The following NAV3 variants were observed in gnomAD, a reference collection of about 807,000 sequenced individuals.
NAV3 encodes the protein pore membrane and/or filament interacting like protein 1.
Under a neutral mutation model 244.7 loss-of-function variants are expected in NAV3, and 87 were observed. The observed-to-expected ratio is 0.36, with a 90% CI of 0.30 to 0.42. The LOEUF is 0.42. NAV3 is among the 20% of genes least tolerant of loss of function. The pLI is 1.00. For missense variants in NAV3, 2,663 were observed against 2,893.3 expected, an observed-to-expected ratio of 0.92 and a Z score of 1.83; for synonymous variants, 1,126 against 1,042.2, an observed-to-expected ratio of 1.08 and a Z score of -1.55.
At chr12:77,745,623 CT>C (rs1284771795) in intron 2 of NAV3, among the ~76,000 whole-genome samples, 1 of 151,862 alleles carries the variant, frequency 6.6e-6, no homozygotes, top group Non-Finnish European at 1.5e-5. Flanking sequence ...TTGAAGGCAT[CT>C]TGGGAGGGAA....
In NAV3 at chr12:77,817,027, T is replaced by G. The variant is rs934268300; in HGVS notation, c.73-123292T>G. 5.9e-5 allele frequency among the ~76,000 whole-genome samples: 9 copies of G among 152,342 alleles called. No homozygotes were observed. The East Asian group carries it at 1.5e-3, about 26-fold the overall frequency. ...GGTATTTTATCTGCAACTGTCAAAC[T>G]CTGGTAGTTCTTTTTCATTTTGACT... On this transcript the variant is annotated intron_variant, in intron 2 of 8. Coordinates refer to the NAV3 transcript ENST00000550042.
intron 34 of NAV3, among the ~76,000 whole-genome samples, chr12:78,194,037 ACTATT>A (rs1959095662): frequency 6.6e-6 from 1 of 151,928 alleles, no homozygotes; most frequent in Non-Finnish European, 1.5e-5. Context: ...TTTATAATGA[ACTATT>A]CTGTTCTCTC....
intron 1 of NAV3, among the ~76,000 whole-genome samples, chr12:77,928,859 T>A (rs1211435151): frequency 6.6e-6 from 1 of 152,244 alleles, no homozygotes; most frequent in Non-Finnish European, 1.5e-5. Flanking sequence ...AATATTAATG[T>A]AATTTCAGCT....
intron 23 of NAV3, among the ~76,000 whole-genome samples, chr12:78,165,670 G>A (rs1365462393): frequency 6.6e-6 from 1 of 151,540 alleles, no homozygotes; most frequent in Non-Finnish European, 1.5e-5. Flanking sequence ...CTGAGAAAAT[G>A]TATCTTAAAA....
At position 78,128,719 on chromosome 12, in the gene NAV3, T is replaced by C; in HGVS notation, c.4294T>C (p.Ser1432Pro). The C allele has an allele frequency of 1.2e-6, 2 of 1,613,926 alleles. No individual in the cohort carries two copies. The highest frequency in any genetic ancestry group is 1.7e-6 in the Non-Finnish European group (2 of 1,179,892). Residue 1432 changes from serine to proline, a missense_variant, in exon 18 of 40, where the codon TCT becomes CCT. Ser to Pro is a moderately conservative substitution (Grantham distance 74, BLOSUM62 -1). Around this residue, in one of 6 missense-constraint regions of NAV3, gnomAD observed 354 missense variants for 413.0 expected, o/e 0.86. Coordinates refer to ENST00000397909, the MANE Select transcript of NAV3 (RefSeq NM_001024383.2). ...GCTGTTTTGCAGATATACCCCATCA[T>C]CTCGGCAGGCCAACCAAGAAGAGGG... ...PKKGLRYTPS[S>P]RQANQEEGKE... is the part of the protein sequence containing the mutation.
intron 12 of NAV3, among the ~76,000 whole-genome samples, chr12:78,103,146 G>A (rs1342206789): frequency 6.6e-6 from 1 of 152,098 alleles, no homozygotes; most frequent in Non-Finnish European, 1.5e-5. Context: ...CTTTTAAAAT[G>A]CGATGCTCTA....
At chr12:77,940,642 T>TTAA (rs1889779321) in intron 2 of NAV3, among the ~76,000 whole-genome samples, 2 of 152,246 alleles carry the variant, frequency 1.3e-5, no homozygotes. Context: ...ACTGTATCTT[T>TTAA]ATATACATAA....
chr12:77,649,411 C>A (rs1347810369), intron 2 of NAV3, among the ~76,000 whole-genome samples: 1 of 151,908 alleles, frequency 6.6e-6, no homozygotes, highest in Non-Finnish European at 1.5e-5. Flanking sequence ...ATTTTTTATT[C>A]CATTCGTTCC....
chr12:77,573,745 G>A (rs1218015389), intron 2 of NAV3, among the ~76,000 whole-genome samples: 1 of 152,126 alleles, frequency 6.6e-6, no homozygotes, highest in Non-Finnish European at 1.5e-5. Context: ...AAAGAGGGAG[G>A]GAGGTAATAG....
At chr12:78,126,150 T>C (rs1593692287) in intron 16 of NAV3, among the ~76,000 whole-genome samples, 1 of 152,298 alleles carries the variant, frequency 6.6e-6, no homozygotes, top group East Asian at 1.9e-4. Flanking sequence ...ACCGATAAAG[T>C]TAAAGTTGTA....
chr12:77,629,950 T>G (rs1871812451), intron 2 of NAV3, among the ~76,000 whole-genome samples: 1 of 152,170 alleles, frequency 6.6e-6, no homozygotes, highest in African/African-American at 2.4e-5. Flanking sequence ...TCAAAATTTC[T>G]ATTATGGCAT....
intron 1 of NAV3, among the ~76,000 whole-genome samples, chr12:77,896,420 G>A (rs1273474227): frequency 6.6e-6 from 1 of 152,102 alleles, no homozygotes; most frequent in Non-Finnish European, 1.5e-5. Context: ...TTTGTCTTAG[G>A]TACTAGAAAT....
chr12:78,114,546 A>C (rs762577842), intron 12 of NAV3, among the ~76,000 whole-genome samples: 92 of 152,168 alleles, frequency 6.0e-4, no homozygotes, highest in Non-Finnish European at 7.2e-4. Flanking sequence ...CGGGGGAAAA[A>C]CCCTTATAAA....
chr12:78,073,710 C>CA, intron 12 of NAV3, among the ~76,000 whole-genome samples: 1 of 151,946 alleles, frequency 6.6e-6, no homozygotes, highest in East Asian at 1.9e-4. Context: ...CATATGGAAC[C>CA]AAAAAAGAGC....
chr12:78,151,785 A>G (rs996438049), intron 22 of NAV3, among the ~76,000 whole-genome samples: 1 of 151,428 alleles, frequency 6.6e-6, no homozygotes, highest in African/African-American at 2.4e-5. Context: ...ATTTTATAAG[A>G]TATATAATCA....
chr12:77,802,475 GGAAA>G (rs1389290358), intron 2 of NAV3, among the ~76,000 whole-genome samples: 1 of 152,176 alleles, frequency 6.6e-6, no homozygotes, highest in Non-Finnish European at 1.5e-5. Flanking sequence ...CTTTTAGGAA[GGAAA>G]GACAGACAAT....
chr12:77,806,922 G>A (rs1226969566), intron 2 of NAV3, among the ~76,000 whole-genome samples: 1 of 152,156 alleles, frequency 6.6e-6, no homozygotes, highest in Non-Finnish European at 1.5e-5. Context: ...AGTATGTAAT[G>A]TCCTTCTTTG....
At chr12:78,046,064 G>A (rs1442373692) in intron 9 of NAV3, among the ~76,000 whole-genome samples, 1 of 152,096 alleles carries the variant, frequency 6.6e-6, no homozygotes, top group Non-Finnish European at 1.5e-5. Context: ...TATTTCTGTG[G>A]GATCAGTGGT....
At chr12:78,084,798 G>C (rs1044525594) in intron 12 of NAV3, among the ~76,000 whole-genome samples, 1 of 152,004 alleles carries the variant, frequency 6.6e-6, no homozygotes, top group African/African-American at 2.4e-5. Flanking sequence ...ATATAAAATC[G>C]ATGTTGCTAA....
Sources: gnomAD v4.1 joint callset for allele counts (sites outside exome capture counted in the v4.1 genomes callset) on GRCh38, gnomAD v4.1.1 for gene constraint, gnomAD v4.1.1 regional missense constraint, MANE v1.5 for transcripts, NCBI Gene and HGNC (gene_info 2026-07-23, HGNC 2026-07-21) for gene names.